Variants in ARHGAP8 observed in about 807,000 individuals in gnomAD.
ARHGAP8 encodes the protein rho GTPase-activating protein 8.
ARHGAP8 carries 62 observed loss-of-function variants against 46.1 expected under a neutral mutation model. The ratio of observed to expected loss-of-function variants is 1.34; its 90% CI spans 1.10 to 1.66. The LOEUF (loss-of-function observed/expected upper bound fraction) is 1.66, where lower values mean the gene tolerates loss of function less well. Ranked by LOEUF, ARHGAP8 falls within the 40% of genes most tolerant of loss-of-function variation. The pLI is 0.00. For missense variants in ARHGAP8, 923 were observed against 568.4 expected, an observed-to-expected ratio of 1.62 and a Z score of -6.34; for synonymous variants, 375 against 243.1, an observed-to-expected ratio of 1.54 and a Z score of -5.05.
chr22:44,755,379 A>G (rs1569128754), intron 1 of ARHGAP8, among the ~76,000 whole-genome samples: 1 of 152,252 alleles, frequency 6.6e-6, no homozygotes, highest in Non-Finnish European at 1.5e-5. Context: ...TCTATGTGAA[A>G]TTAGCATGGG....
intron 2 of ARHGAP8, among the ~76,000 whole-genome samples, chr22:44,791,716 A>G (rs1292088170): frequency 1.3e-5 from 2 of 152,084 alleles, no homozygotes; most frequent in Non-Finnish European, 2.9e-5. Flanking sequence ...AAAAACAAAC[A>G]AACAAAAATA....
At chr22:44,851,667 C>A (rs1200089820) in intron 10 of ARHGAP8, among the ~76,000 whole-genome samples, 1 of 152,106 alleles carries the variant, frequency 6.6e-6, no homozygotes, top group African/African-American at 2.4e-5. Context: ...AGTGAGACCC[C>A]ATCTCTACAA....
intron 1 of ARHGAP8, among the ~76,000 whole-genome samples, chr22:44,780,289 C>T (rs778979999): frequency 1.2e-4 from 18 of 151,142 alleles, no homozygotes; most frequent in African/African-American, 4.1e-4. Flanking sequence ...CCCAGGAGGC[C>T]AAGGCTGCAG....
At chr22:44,809,278 G>GTTT (rs375097461) in intron 4 of ARHGAP8, 5 of 351,614 alleles carry the variant, frequency 1.4e-5, no homozygotes, top group East Asian at 8.9e-5. Context: ...ATATTCTTCT[G>GTTT]TTTTTTTTTT....
intron 2 of ARHGAP8, among the ~76,000 whole-genome samples, chr22:44,787,029 C>CAAAAAAAAAAAAAA (rs34957650): frequency 3.5e-4 from 33 of 94,736 alleles, no homozygotes; most frequent in African/African-American, 7.6e-4. Context: ...GACCCTGTCT[C>CAAAAAAAAAAAAAA]AAAAAAACAA....
At chr22:44,843,064 G>T (rs1266100265) in intron 7 of ARHGAP8, among the ~76,000 whole-genome samples, 1 of 152,194 alleles carries the variant, frequency 6.6e-6, no homozygotes, top group Non-Finnish European at 1.5e-5. Context: ...GAGGTGGGCA[G>T]TTGGAATGTA....
intron 7 of ARHGAP8, among the ~76,000 whole-genome samples, chr22:44,837,142 C>G (rs1242231050): frequency 6.6e-6 from 1 of 152,222 alleles, no homozygotes; most frequent in African/African-American, 2.4e-5. Context: ...ACCTTGGCCT[C>G]CCAAAGTGCT....
chr22:44,860,436 G>A (rs1176342695), intron 11 of ARHGAP8, among the ~76,000 whole-genome samples: 1 of 151,972 alleles, frequency 6.6e-6, no homozygotes, highest in African/African-American at 2.4e-5. Flanking sequence ...GCCTTTGTCT[G>A]TGTGTGTGTC....
At chr22:44,847,890 C>G (rs1458910113) in intron 8 of ARHGAP8, 83 bp from the exon 9 acceptor site, 13 of 1,545,098 alleles carry the variant, frequency 8.4e-6, no homozygotes, top group African/African-American at 1.4e-5. Flanking sequence ...TGGGTGATGC[C>G]GTGGGCAGGG....
chr22:44,845,799 G>A (rs2069941053), intron 8 of ARHGAP8, among the ~76,000 whole-genome samples: 1 of 152,140 alleles, frequency 6.6e-6, no homozygotes, highest in Non-Finnish European at 1.5e-5. Flanking sequence ...AGCCTTGTGG[G>A]CTCTCCACAG....
intron 1 of ARHGAP8, among the ~76,000 whole-genome samples, chr22:44,781,209 C>T (rs144232794): frequency 0.018 from 2,756 of 152,026 alleles, 48 homozygotes; most frequent in Non-Finnish European, 0.028. Flanking sequence ...ATTTCACATC[C>T]AGATGCAGGA....
intron 3 of ARHGAP8, among the ~76,000 whole-genome samples, chr22:44,807,276 A>G (rs1928998441): frequency 6.6e-6 from 1 of 152,106 alleles, no homozygotes; most frequent in East Asian, 1.9e-4. Flanking sequence ...GTCCTTCTGG[A>G]GCCCTTCCTT....
At chr22:44,822,038 T>A (rs112853072) in intron 5 of ARHGAP8, among the ~76,000 whole-genome samples, 3,490 of 152,318 alleles carry the variant, frequency 0.023, 135 homozygotes, top group African/African-American at 0.074. Flanking sequence ...GCCCCCTGTC[T>A]AGCCTGCATC....
chr22:44,819,456 G>T (rs1355061358), intron 5 of ARHGAP8, among the ~76,000 whole-genome samples: 1 of 152,222 alleles, frequency 6.6e-6, no homozygotes, highest in Non-Finnish European at 1.5e-5. Context: ...CAGATTACCT[G>T]AGGTCAGGAG....
At chr22:44,845,405 T>C in intron 8 of ARHGAP8, 63 bp downstream of exon 8, 1 of 1,607,912 alleles carries the variant, frequency 6.2e-7, no homozygotes, top group Non-Finnish European at 8.5e-7. Flanking sequence ...CTCTGGGTGG[T>C]TTGTCTTGGA....
At chr22:44,768,898 G>A (rs1013833865) in intron 1 of ARHGAP8, among the ~76,000 whole-genome samples, 7 of 150,462 alleles carry the variant, frequency 4.7e-5, no homozygotes, top group South Asian at 4.2e-4. Flanking sequence ...GCAATGGCGC[G>A]ATCTCGGCTC....
intron 10 of ARHGAP8, 30 bp from the exon 11 acceptor site, chr22:44,859,701 A>C (rs370285864): frequency 9.3e-6 from 15 of 1,608,784 alleles, no homozygotes; most frequent in Admixed American, 1.7e-5. Flanking sequence ...GCCCCTCTGG[A>C]GCTCAGCAGG....
At chr22:44,841,389 C>G (rs1931643401) in intron 7 of ARHGAP8, among the ~76,000 whole-genome samples, 1 of 152,136 alleles carries the variant, frequency 6.6e-6, no homozygotes, top group Non-Finnish European at 1.5e-5. Context: ...GTGCTAGTAT[C>G]CCGCCCATGT....
Position 44,753,167 on chromosome 22 carries a change from G to C in ARHGAP8, c.-72+540G>C, listed in dbSNP as rs1029615020. On this transcript the variant is annotated intron_variant, in intron 1 of 11. Coordinates refer to ENST00000356099, the MANE Select transcript of ARHGAP8 (RefSeq NM_181335.3). ...CTGCGCTGATTCAAACTCAGGGGGT[G>C]GGGGGCTGGCCGGTTCAACACACAG... 7.2e-5 allele frequency among the ~76,000 whole-genome samples: 11 copies of C among 152,190 alleles called. No individual in the cohort carries two copies. The South Asian group carries it at 2.3e-3, about 32-fold the overall frequency.
Sources: gnomAD v4.1 joint callset for allele counts (sites outside exome capture counted in the v4.1 genomes callset) on GRCh38, gnomAD v4.1.1 for gene constraint, MANE v1.5 for transcripts, NCBI Gene and HGNC (gene_info 2026-07-23, HGNC 2026-07-21) for gene names.